The following SLC24A2 variants were observed in gnomAD, a reference collection of about 807,000 sequenced individuals.
SLC24A2 encodes the protein solute carrier family 24 member 2.
SLC24A2 carries 36 observed loss-of-function variants against 62.0 expected under a neutral mutation model. The observed-to-expected ratio is 0.58, with a 90% CI of 0.44 to 0.77. SLC24A2 has a LOEUF of 0.77. Ranked by LOEUF, SLC24A2 falls within the 30% of genes least tolerant of loss-of-function variation. The probability of loss-of-function intolerance (pLI) is 0.00; values close to 1 mark genes in which losing one functional copy is unlikely to be tolerated. For synonymous variants in SLC24A2, 358 were observed against 294.0 expected, an observed-to-expected ratio of 1.22 and a Z score of -2.23; for missense variants, 846 against 817.9, an observed-to-expected ratio of 1.03 and a Z score of -0.42.
At chr9:19,930,218 C>T in the SLC24A2 span, among the ~76,000 whole-genome samples, 15 of 152,196 alleles carry the variant, frequency 9.9e-5, no homozygotes, top group African/African-American at 3.6e-4. Context: ...AGAGCAACTT[C>T]CAGTCCTGCA....
the SLC24A2 span, among the ~76,000 whole-genome samples, chr9:19,969,182 G>GA: frequency 2.7e-4 from 9 of 33,524 alleles, no homozygotes; most frequent in Non-Finnish European, 5.1e-4. Context: ...CACCTCCTTT[G>GA]CCACACACAC....
the SLC24A2 span, among the ~76,000 whole-genome samples, chr9:19,934,661 C>G: frequency 3.3e-5 from 5 of 152,354 alleles, no homozygotes; most frequent in African/African-American, 1.2e-4. This position sits in a 1 kb window ranked among gnomAD's most constrained non-coding sequence, Gnocchi z 4.1. Context: ...GGGTTTCATT[C>G]AAGTGCAGCC....
At chr9:20,297,088 G>A in the SLC24A2 span, among the ~76,000 whole-genome samples, 1 of 152,078 alleles carries the variant, frequency 6.6e-6, no homozygotes, top group Non-Finnish European at 1.5e-5. Context: ...CAGGATTATG[G>A]TGTTTGGAAT....
intron 7 of SLC24A2, among the ~76,000 whole-genome samples, chr9:19,553,227 G>C (rs1563958732): frequency 6.6e-6 from 1 of 152,232 alleles, no homozygotes; most frequent in East Asian, 1.9e-4. Context: ...ACTGTTCCAA[G>C]TTTGAGGCTT....
intron 4 of SLC24A2, among the ~76,000 whole-genome samples, chr9:19,606,111 G>C (rs995793927): frequency 6.6e-6 from 1 of 152,122 alleles, no homozygotes; most frequent in Non-Finnish European, 1.5e-5. Flanking sequence ...TGACAAGATG[G>C]GGTTTAGCTC....
At chr9:20,210,624 C>A in the SLC24A2 span, among the ~76,000 whole-genome samples, 1 of 144,562 alleles carries the variant, frequency 6.9e-6, no homozygotes, top group Non-Finnish European at 1.5e-5. Context: ...CAGGCGCCCG[C>A]CACAACGCCC....
the SLC24A2 span, chr9:19,929,575 A>G: frequency 1.3e-5 from 2 of 152,228 alleles, no homozygotes; most frequent in African/African-American, 4.8e-5. Flanking sequence ...ATACAATTAC[A>G]TACAGTACGT....
chr9:19,926,193 T>C, the SLC24A2 span: 2 of 152,082 alleles, frequency 1.3e-5, no homozygotes, highest in African/African-American at 4.8e-5. Flanking sequence ...GAGGACTGAG[T>C]TGAGGTTATG....
At chr9:20,266,418 G>C in the SLC24A2 span, among the ~76,000 whole-genome samples, 7 of 152,258 alleles carry the variant, frequency 4.6e-5, no homozygotes, top group Non-Finnish European at 8.8e-5. Context: ...CAGTCTCTGG[G>C]TGTTCCCTAT....
intron 2 of SLC24A2, among the ~76,000 whole-genome samples, chr9:19,752,229 G>A (rs1025042812): frequency 6.6e-6 from 1 of 152,080 alleles, no homozygotes; most frequent in Admixed American, 6.5e-5. Flanking sequence ...GGTAGAACAG[G>A]GATTTTTCTT....
chr9:19,637,315 C>G lies in SLC24A2; in HGVS notation c.931-15016G>C, dbSNP rs977320018. ...CAGTGGGCAGAGACTGGGCAGGGTG[C>G]CGGAGGTCTGCCCTGGGCATCAGGC... is the stretch of plus-strand genomic sequence containing the variant. On this transcript the variant is annotated intron_variant, in intron 2 of 10. Transcript: ENST00000341998. Among the ~76,000 whole-genome samples the G allele has an allele frequency of 3.3e-5, 5 of 152,232 alleles. No individual in the cohort carries two copies. The South Asian group carries it at 1.0e-3, about 32-fold the overall frequency.
At chr9:20,284,927 C>T in the SLC24A2 span, among the ~76,000 whole-genome samples, 1 of 152,208 alleles carries the variant, frequency 6.6e-6, no homozygotes, top group African/African-American at 2.4e-5. Context: ...ATAAAAGCTA[C>T]AATGATATTG....
chr9:19,828,855 T>G, the SLC24A2 span, among the ~76,000 whole-genome samples: 2 of 152,122 alleles, frequency 1.3e-5, no homozygotes, highest in Admixed American at 6.6e-5. Context: ...AGGGTCTGCT[T>G]GCTGCTCAGG....
rs1320685706 is a variant in SLC24A2, at chr9:19,508,891, C to A, written c.*7262G>T. 6.6e-6 allele frequency: 1 copy of A among 151,928 alleles called. No homozygotes were observed. Among genetic ancestry groups the A allele is most frequent in the Non-Finnish European group, 1.5e-5 (1 of 67,988 alleles). 9.4% of individuals were successfully genotyped at this position (151,928 alleles called of 1,614,324 possible). A position where few individuals can be genotyped will look rare whatever the true frequency, so the allele number is the denominator to read the frequency against. The stretch of plus-strand genomic sequence containing the variant: ...ATATATGTGTGTGTAAACAGTGTAC[C>A]ATACTAGGTTAGAAATTGTGTATTT... On this transcript the variant is annotated 3_prime_UTR_variant, in exon 11 of 11. Transcript: ENST00000341998.
chr9:20,159,702 C>A, the SLC24A2 span, among the ~76,000 whole-genome samples: 1 of 151,358 alleles, frequency 6.6e-6, no homozygotes, highest in African/African-American at 2.4e-5. Context: ...CATTTAATAT[C>A]AGCAGATCAG....
At chr9:20,270,156 A>G in the SLC24A2 span, among the ~76,000 whole-genome samples, 1 of 152,168 alleles carries the variant, frequency 6.6e-6, no homozygotes, top group Non-Finnish European at 1.5e-5. Flanking sequence ...CACAACCACC[A>G]GAAGGGCACC....
chr9:20,185,422 T>G, the SLC24A2 span, among the ~76,000 whole-genome samples: 1 of 151,794 alleles, frequency 6.6e-6, no homozygotes. Context: ...TCCCAGCACT[T>G]TGGGAGGCCG....
chr9:19,985,143 A>T, the SLC24A2 span, among the ~76,000 whole-genome samples: 1 of 152,222 alleles, frequency 6.6e-6, no homozygotes, highest in East Asian at 1.9e-4. Flanking sequence ...CCTGATGGGA[A>T]GTGAAAATAT....
At chr9:19,631,671 G>A (rs1219232274) in intron 2 of SLC24A2, among the ~76,000 whole-genome samples, 1 of 152,146 alleles carries the variant, frequency 6.6e-6, no homozygotes, top group Non-Finnish European at 1.5e-5. Context: ...AAGGAAGGAG[G>A]ATTCTCAAAC....
Sources: gnomAD v4.1 joint callset for allele counts (sites outside exome capture counted in the v4.1 genomes callset) on GRCh38, gnomAD v4.1.1 for gene constraint, Gnocchi (gnomAD v3.1) non-coding constraint, MANE v1.5 for transcripts, NCBI Gene and HGNC (gene_info 2026-07-23, HGNC 2026-07-21) for gene names.